The following SEMA4B variants were observed in gnomAD, a reference collection of about 807,000 sequenced individuals.
SEMA4B encodes the protein semaphorin-4B.
A neutral mutation model predicts 88.1 loss-of-function variants in SEMA4B; 55 were observed. That is an observed-to-expected ratio of 0.62 (90% CI 0.50 to 0.78). The LOEUF (loss-of-function observed/expected upper bound fraction) is 0.78. Ranked by LOEUF, SEMA4B falls within the 30% of genes least tolerant of loss-of-function variation. SEMA4B has a pLI of 0.00. For missense variants in SEMA4B, 1,062 were observed against 1,111.9 expected (o/e 0.96, Z 0.64); for synonymous variants, 525 against 473.6 (o/e 1.11, Z -1.41).
intron 7 of SEMA4B, among the ~76,000 whole-genome samples, chr15:90,222,718 AC>A (rs1258203466): frequency 2.6e-5 from 4 of 152,072 alleles, no homozygotes; most frequent in African/African-American, 9.7e-5. Context: ...CAAGTCCCTC[AC>A]CCCCTCGGTT....
chr15:90,196,722 C>T (rs1441109381), upstream of SEMA4B, among the ~76,000 whole-genome samples: 1 of 151,960 alleles, frequency 6.6e-6, no homozygotes, highest in Non-Finnish European at 1.5e-5. Flanking sequence ...CTCCTGACCT[C>T]GTGATCCGCC....
In SEMA4B at chr15:90,211,944, G is replaced by A. The variant is rs548096931; in HGVS notation, c.158-5495G>A. Among the ~76,000 whole-genome samples, 299 of 152,274 alleles carry A rather than the reference G, an allele frequency of 2.0e-3. 2 individuals are homozygous for A. The highest frequency in any genetic ancestry group is 2.3e-3 in the South Asian group (11 of 4,824). ...GCCCGGAGCCACAGTAGAGAGAAAG[G>A]TGGGGTGGGGTTCTGAGTCACAGCG... is the stretch of plus-strand genomic sequence containing the variant. On this transcript the variant is annotated intron_variant, in intron 1 of 13. Transcript: ENST00000411539.
intron 1 of SEMA4B, among the ~76,000 whole-genome samples, chr15:90,187,833 T>C (rs1049236532): frequency 7.9e-5 from 12 of 151,744 alleles, no homozygotes; most frequent in African/African-American, 2.9e-4. Flanking sequence ...GGTGAAATCT[T>C]GTCTCTACTA....
chr15:90,224,909 C>T (rs942133129), intron 9 of SEMA4B, 59 bp from the exon 10 acceptor site: 16 of 1,437,222 alleles, frequency 1.1e-5, no homozygotes, highest in Admixed American at 1.7e-5. Context: ...AAGCAGGGCC[C>T]GCATCCTGCC....
In SEMA4B at chr15:90,216,615, G is replaced by A. The variant is rs1338917371; in HGVS notation, c.158-824G>A. On this transcript the variant is annotated intron_variant, in intron 1 of 13. Coordinates refer to ENST00000411539, the MANE Select transcript of SEMA4B (RefSeq NM_198925.4). ...CAGTGCTTTTTTGGGAGGCTGACGC[G>A]GGCAGATCACTTGAGTTCAGGAGTT... Among the ~76,000 whole-genome samples, 7 of 152,096 alleles carry A rather than the reference G, an allele frequency of 4.6e-5. No individual in the cohort carries two copies. The South Asian group carries it at 8.3e-4, about 18-fold the overall frequency.
chr15:90,204,658 A>G (rs1033005779), intron 1 of SEMA4B, among the ~76,000 whole-genome samples: 1 of 152,214 alleles, frequency 6.6e-6, no homozygotes, highest in Non-Finnish European at 1.5e-5. Context: ...GGTGCTGAGT[A>G]GAAACAATGG....
chr15:90,206,941 A>G (rs1436833942), intron 1 of SEMA4B: 2 of 631,804 alleles, frequency 3.2e-6, no homozygotes, highest in Admixed American at 2.3e-5. Context: ...GCATGTCATC[A>G]GAGAGAACTT....
chr15:90,188,453 C>A (rs963970760), intron 1 of SEMA4B, among the ~76,000 whole-genome samples: 2 of 150,622 alleles, frequency 1.3e-5, no homozygotes, highest in Non-Finnish European at 3.0e-5. Flanking sequence ...CATGGTGAAA[C>A]CCTGTCTCTA....
intron 1 of SEMA4B, among the ~76,000 whole-genome samples, chr15:90,209,149 G>T (rs556269433): frequency 1.1e-4 from 16 of 152,210 alleles, no homozygotes; most frequent in Admixed American, 7.2e-4. Flanking sequence ...CATTTGTTTA[G>T]TCAACAAACA....
chr15:90,210,355 C>T (rs917617652), intron 1 of SEMA4B, among the ~76,000 whole-genome samples: 1 of 152,116 alleles, frequency 6.6e-6, no homozygotes, highest in Admixed American at 6.5e-5. Flanking sequence ...CGCCAGCATC[C>T]GCGTCATTGA....
chr15:90,221,305 C>T (rs1961823847), intron 5 of SEMA4B, 62 bp from the exon 6 acceptor site: 1 of 1,405,348 alleles, frequency 7.1e-7, no homozygotes, highest in Non-Finnish European at 9.8e-7. Context: ...CACTCTGGGC[C>T]CTGAGCAGGG....
chr15:90,211,195 G>A (rs1961249507), intron 1 of SEMA4B, among the ~76,000 whole-genome samples: 2 of 151,534 alleles, frequency 1.3e-5, no homozygotes, highest in Non-Finnish European at 2.9e-5. Flanking sequence ...GAGCAGGCAG[G>A]CGGCAGGCAG....
At chr15:90,216,221 C>A (rs572247791) in intron 1 of SEMA4B, among the ~76,000 whole-genome samples, 137 of 152,216 alleles carry the variant, frequency 9.0e-4, no homozygotes, top group African/African-American at 3.2e-3. Flanking sequence ...CTCAGGTGAT[C>A]CACACCAAAG....
chr15:90,197,781 G>A (rs1436776008), upstream of SEMA4B, among the ~76,000 whole-genome samples: 3 of 151,820 alleles, frequency 2.0e-5, no homozygotes, highest in Non-Finnish European at 4.4e-5. Context: ...AAAGGCATAA[G>A]GAATGGTTAT....
At chr15:90,186,820 C>G (rs546143447) in intron 1 of SEMA4B, among the ~76,000 whole-genome samples, 2 of 152,026 alleles carry the variant, frequency 1.3e-5, no homozygotes, top group Non-Finnish European at 2.9e-5. Context: ...GTAGTCCCAG[C>G]TACTCGCGAG....
chr15:90,209,987 G>A (rs73477812), intron 1 of SEMA4B, among the ~76,000 whole-genome samples: 9,977 of 152,290 alleles, frequency 0.066, 1,051 homozygotes, highest in African/African-American at 0.23. Flanking sequence ...CCCTCTGGCT[G>A]CAGCATAGCA....
chr15:90,186,355 C>T (rs983437398), intron 1 of SEMA4B, among the ~76,000 whole-genome samples: 1 of 152,122 alleles, frequency 6.6e-6, no homozygotes, highest in African/African-American at 2.4e-5. Context: ...CATGGTGGCT[C>T]ACGCCTGTAA....
Position 90,217,447 on chromosome 15 carries a change from G to A in SEMA4B, c.166G>A (p.Glu56Lys). The A allele has an allele frequency of 6.2e-7, 1 of 1,613,256 alleles. No homozygotes were observed. The highest frequency in any genetic ancestry group is 8.5e-7 in the Non-Finnish European group (1 of 1,179,548). The change falls in exon 2 of 14, where the codon GAG becomes AAG. Residue 56 changes from glutamate (E) to lysine (K), a missense_variant. Physicochemically the swap from Glu to Lys is moderately conservative, Grantham distance 56. Transcript: ENST00000411539. ...PRISLPLGSE[E>K]RPFLRFEAEH... is the part of the protein sequence containing the mutation. Reference sequence around the variant, plus strand: ...CATCTTCCTCTCCCCAGGCTCTGAAGAGCGGCCATTCCTCAGATTCGAAGC... The same window carrying A: ...CATCTTCCTCTCCCCAGGCTCTGAAAAGCGGCCATTCCTCAGATTCGAAGC...
chr15:90,186,760 C>T (rs1365374832), intron 1 of SEMA4B, among the ~76,000 whole-genome samples: 2 of 152,164 alleles, frequency 1.3e-5, no homozygotes, highest in East Asian at 1.9e-4. Flanking sequence ...AGTGAAACCC[C>T]GTCTCTACTA....
Sources: allele counts gnomAD v4.1 joint callset (sites outside exome capture counted in the v4.1 genomes callset), GRCh38; gene constraint gnomAD v4.1.1; transcripts MANE v1.5; gene names NCBI Gene and HGNC (gene_info 2026-07-23, HGNC 2026-07-21).